Variants in LINGO2 observed in about 807,000 individuals in gnomAD.
The protein encoded by LINGO2 is leucine-rich repeat and immunoglobulin-like domain-containing nogo receptor-interacting protein 2.
In LINGO2, 14 loss-of-function variants were observed where a neutral mutation model predicts 30.6. The ratio of observed to expected loss-of-function variants is 0.46; its 90% CI spans 0.30 to 0.72. The LOEUF (loss-of-function observed/expected upper bound fraction) is 0.72. LINGO2 is among the 30% of genes least tolerant of loss of function. LINGO2 has a pLI of 0.07. For missense variants in LINGO2, 729 were observed against 751.7 expected (o/e 0.97, Z 0.35); for synonymous variants, 317 against 288.5 (o/e 1.10, Z -1.00).
chr9:28,649,577 T>C (rs1373075100), intron 1 of LINGO2, among the ~76,000 whole-genome samples: 1 of 137,734 alleles, frequency 7.3e-6, no homozygotes, highest in East Asian at 2.2e-4. Flanking sequence ...TGCTACAACT[T>C]AAATCAGTTA....
intron 4 of LINGO2, among the ~76,000 whole-genome samples, chr9:28,252,956 G>T (rs1473141652): frequency 6.6e-6 from 1 of 151,436 alleles, no homozygotes; most frequent in Non-Finnish European, 1.5e-5. Context: ...TATAAACAAA[G>T]AAAACTAGCA....
chr9:28,861,222 A>G, the LINGO2 span, among the ~76,000 whole-genome samples: 1 of 113,370 alleles, frequency 8.8e-6, no homozygotes, highest in Admixed American at 1.2e-4. Flanking sequence ...ATATAATATT[A>G]TATAAATATA....
chr9:27,993,889 G>C (rs1821523205), intron 5 of LINGO2, among the ~76,000 whole-genome samples: 1 of 151,614 alleles, frequency 6.6e-6, no homozygotes, highest in Admixed American at 6.6e-5. Flanking sequence ...TTGCAATATA[G>C]ACCATATGTT....
chr9:29,101,630 T>C, the LINGO2 span, among the ~76,000 whole-genome samples: 1 of 152,156 alleles, frequency 6.6e-6, no homozygotes, highest in Non-Finnish European at 1.5e-5. Flanking sequence ...AACTGTTTTA[T>C]TTTTACCTCC....
At chr9:28,867,415 A>C in the LINGO2 span, among the ~76,000 whole-genome samples, 1 of 152,028 alleles carries the variant, frequency 6.6e-6, no homozygotes, top group East Asian at 1.9e-4. Context: ...AGTGATTGCT[A>C]ACAATAATAA....
chr9:28,120,420 C>G (rs910640790), intron 4 of LINGO2, among the ~76,000 whole-genome samples: 6 of 152,098 alleles, frequency 3.9e-5, no homozygotes, highest in African/African-American at 1.2e-4. Context: ...TTTATTGTTG[C>G]CAGGGAAACT....
At chr9:29,164,765 C>T in the LINGO2 span, among the ~76,000 whole-genome samples, 28 of 151,928 alleles carry the variant, frequency 1.8e-4, no homozygotes, top group Non-Finnish European at 3.5e-4. Flanking sequence ...CATATATGCA[C>T]GTGTGTGTAT....
chr9:28,806,471 T>C, the LINGO2 span, among the ~76,000 whole-genome samples: 2 of 152,134 alleles, frequency 1.3e-5, no homozygotes, highest in Non-Finnish European at 2.9e-5. Flanking sequence ...CCTACTAATT[T>C]TGAGAATTTT....
chr9:28,284,681 C>T (rs932741555), intron 4 of LINGO2, among the ~76,000 whole-genome samples: 2 of 152,090 alleles, frequency 1.3e-5, no homozygotes, highest in African/African-American at 4.8e-5. Flanking sequence ...AAGGTAGTAT[C>T]TCAAATTAGA....
chr9:28,736,957 TC>T, the LINGO2 span, among the ~76,000 whole-genome samples: 1 of 152,118 alleles, frequency 6.6e-6, no homozygotes, highest in Non-Finnish European at 1.5e-5. Flanking sequence ...TATAAAACAT[TC>T]CCCAAGGGGA....
chr9:28,743,493 T>A, the LINGO2 span, among the ~76,000 whole-genome samples: 1 of 151,964 alleles, frequency 6.6e-6, no homozygotes. Context: ...TTCATCCATG[T>A]CCCTGCAAGG....
intron 4 of LINGO2, among the ~76,000 whole-genome samples, chr9:28,209,003 A>G (rs1820503513): frequency 6.6e-6 from 1 of 151,972 alleles, no homozygotes; most frequent in Admixed American, 6.6e-5. Context: ...AAGTTGCAGG[A>G]GAGAGTAGAG....
intron 3 of LINGO2, among the ~76,000 whole-genome samples, chr9:28,296,652 C>A (rs1823934840): frequency 6.6e-6 from 1 of 152,164 alleles, no homozygotes; most frequent in Admixed American, 6.5e-5. Context: ...AAGTGGAACA[C>A]ATGCCTTGCA....
At chr9:28,020,858 C>T (rs1039203246) in intron 4 of LINGO2, among the ~76,000 whole-genome samples, 2 of 152,082 alleles carry the variant, frequency 1.3e-5, no homozygotes, top group Non-Finnish European at 2.9e-5. Context: ...ATTTAAACCT[C>T]CTTGGAATCT....
intron 4 of LINGO2, among the ~76,000 whole-genome samples, chr9:28,095,674 C>A (rs1057044438): frequency 6.6e-6 from 1 of 151,896 alleles, no homozygotes; most frequent in African/African-American, 2.4e-5. Flanking sequence ...TCTAAAACAC[C>A]AAAAGCAATG....
intron 4 of LINGO2, among the ~76,000 whole-genome samples, chr9:28,245,902 A>C (rs1341283636): frequency 1.3e-5 from 2 of 152,198 alleles, no homozygotes; most frequent in Non-Finnish European, 2.9e-5. Flanking sequence ...TATTCTCATC[A>C]AACTACCATT....
the LINGO2 span, among the ~76,000 whole-genome samples, chr9:28,679,196 G>T: frequency 6.6e-6 from 1 of 151,884 alleles, no homozygotes; most frequent in Non-Finnish European, 1.5e-5. Context: ...CAAAAACTTT[G>T]ATGACTTTCA....
the LINGO2 span, among the ~76,000 whole-genome samples, chr9:29,005,031 T>A: frequency 6.6e-6 from 1 of 151,980 alleles, no homozygotes; most frequent in Non-Finnish European, 1.5e-5. Context: ...ATACTAGTAT[T>A]ATCTTATTTG....
At chr9:28,175,696 C>T (rs1828731080) in intron 4 of LINGO2, among the ~76,000 whole-genome samples, 1 of 152,170 alleles carries the variant, frequency 6.6e-6, no homozygotes, top group Non-Finnish European at 1.5e-5. Flanking sequence ...TTTTGCAACA[C>T]ATGTGGTAAG....
Sources: gnomAD v4.1 joint callset for allele counts (sites outside exome capture counted in the v4.1 genomes callset) on GRCh38, gnomAD v4.1.1 for gene constraint, MANE v1.5 for transcripts, NCBI Gene and HGNC (gene_info 2026-07-23, HGNC 2026-07-21) for gene names.